SMAD5: variants seen among roughly 807,000 people sequenced by gnomAD.
The protein encoded by SMAD5 is SMAD family member 5.
A neutral mutation model predicts 43.1 loss-of-function variants in SMAD5; 9 were observed. The ratio of observed to expected loss-of-function variants is 0.21; its 90% CI spans 0.13 to 0.36. The LOEUF (loss-of-function observed/expected upper bound fraction) is 0.36, where lower values mean the gene tolerates loss of function less well. Among genes scored for constraint, SMAD5 ranks in the 10% least tolerant of loss-of-function variants. The pLI, the probability that SMAD5 is intolerant of heterozygous loss-of-function variation, is 1.00. For missense variants in SMAD5, 348 were observed against 574.0 expected (o/e 0.61, Z 4.02); for synonymous variants, 190 against 192.4 (o/e 0.99, Z 0.10).
At chr5:136,149,678 A>C (rs1753385010) in intron 2 of SMAD5, among the ~76,000 whole-genome samples, 1 of 151,624 alleles carries the variant, frequency 6.6e-6, no homozygotes, top group African/African-American at 2.4e-5. Context: ...TTTATGATGA[A>C]TTTTTCTCCT....
chr5:136,137,682 C>G (rs1273704615), intron 1 of SMAD5, among the ~76,000 whole-genome samples: 2 of 152,150 alleles, frequency 1.3e-5, no homozygotes, highest in Admixed American at 6.5e-5. Flanking sequence ...TATTTAAAAG[C>G]CAGTCTTCTT....
intron 2 of SMAD5, among the ~76,000 whole-genome samples, chr5:136,148,117 C>G (rs1753324619): frequency 6.6e-6 from 1 of 151,730 alleles, no homozygotes; most frequent in Middle Eastern, 3.2e-3. Flanking sequence ...CTTATAGTAA[C>G]TGTAAACATG....
intron 4 of SMAD5, 33 bp from the exon 5 acceptor site, chr5:136,163,239 G>T (rs751524351): frequency 6.4e-6 from 10 of 1,566,224 alleles, no homozygotes; most frequent in Non-Finnish European, 8.6e-6. Context: ...TGAGCAGAAT[G>T]AAGATTTTAA....
chr5:136,134,495 C>T (rs1752807352), intron 1 of SMAD5: 1 of 152,212 alleles, frequency 6.6e-6, no homozygotes, highest in African/African-American at 2.4e-5. Context: ...TACCTACATT[C>T]AGTGTGACAG....
chr5:136,160,989 G>A lies in SMAD5; in HGVS notation c.537G>A (p.Gln179=), dbSNP rs775672628. 2 of 1,613,858 alleles carry A rather than the reference G, an allele frequency of 1.2e-6. No individual in the cohort carries two copies. Among genetic ancestry groups the A allele is most frequent in the Middle Eastern group, 1.6e-4 (1 of 6,062 alleles). Residue 179 remains glutamine, a synonymous_variant, in exon 4 of 8, where the codon CAG becomes CAA. Transcript: ENST00000545279. ...QNATFPDSFH[Q]PNNTPFPLSP... ...CCACGTTTCCAGATTCTTTCCACCA[G>A]CCCAACAACACTCCTTTTCCCTTAT...
rs1270148077 is a variant in SMAD5, at chr5:136,163,368, T to C, written c.752T>C (p.Ile251Thr). 6 of 1,610,514 alleles carry C rather than the reference T, an allele frequency of 3.7e-6. No individual in the cohort carries two copies. The highest frequency in any genetic ancestry group is 5.1e-6 in the Non-Finnish European group (6 of 1,177,632). The change falls in exon 5 of 8, where the codon ATT becomes ACT. Residue 251 changes from isoleucine (I) to threonine (T), a missense_variant. Around this residue, in one of 5 missense-constraint regions of SMAD5, gnomAD observed 185 missense variants for 207.0 expected, o/e 0.89. Coordinates refer to ENST00000545279, the MANE Select transcript of SMAD5 (RefSeq NM_005903.7). ...MDTSNNMIPQIMPSISSRDVQ... is the reference protein window; with the variant it reads ...MDTSNNMIPQTMPSISSRDVQ... ...ACAAGCAATAATATGATTCCTCAGA[T>C]TATGCCCAGTATATCCAGCAGGGGT... is the stretch of plus-strand genomic sequence containing the variant.
chr5:136,150,438 A>G (rs1312677128), intron 2 of SMAD5, among the ~76,000 whole-genome samples: 2 of 151,998 alleles, frequency 1.3e-5, no homozygotes, highest in East Asian at 3.9e-4. Flanking sequence ...GGTATGGCAC[A>G]TGCAATGGTC....
chr5:136,137,258 G>A lies in SMAD5; in HGVS notation c.-245+4296G>A, dbSNP rs371510167. Among the ~76,000 whole-genome samples, 106 of 124,498 alleles carry A rather than the reference G, an allele frequency of 8.5e-4. No homozygotes were observed. In the East Asian group the frequency reaches 0.023, roughly 26 times the overall value. The allele number at this position is 124,498 out of a possible 152,430, so 81.7% of individuals were successfully genotyped here. Reference sequence around the variant, plus strand: ...CATTTTGTAACTAGGTTTTGCTCTTGAATTTTTTGGGACCCCCCCCCGCAT... The same window carrying A: ...CATTTTGTAACTAGGTTTTGCTCTTAAATTTTTTGGGACCCCCCCCCGCAT... On this transcript the variant is annotated intron_variant, in intron 1 of 7. Coordinates refer to ENST00000545279, the MANE Select transcript of SMAD5 (RefSeq NM_005903.7).
intron 7 of SMAD5, among the ~76,000 whole-genome samples, chr5:136,176,665 T>A (rs1754432881): frequency 6.6e-6 from 1 of 152,112 alleles, no homozygotes; most frequent in South Asian, 2.1e-4. Flanking sequence ...TATTGTACTA[T>A]TTTTAGAATG....
chr5:136,145,664 TACA>T (rs1429631512), intron 1 of SMAD5, among the ~76,000 whole-genome samples: 1 of 152,006 alleles, frequency 6.6e-6, no homozygotes, highest in East Asian at 1.9e-4. Flanking sequence ...TCATGATTAT[TACA>T]ACAATAATAA....
intron 1 of SMAD5, among the ~76,000 whole-genome samples, chr5:136,139,667 C>T (rs1753006443): frequency 6.6e-6 from 1 of 152,138 alleles, no homozygotes; most frequent in African/African-American, 2.4e-5. Flanking sequence ...TCCACCCCTC[C>T]TCCTGCTTAT....
At chr5:136,161,779 C>A (rs1468770302) in intron 4 of SMAD5, among the ~76,000 whole-genome samples, 1 of 152,126 alleles carries the variant, frequency 6.6e-6, no homozygotes, top group African/African-American at 2.4e-5. Context: ...TGTTGTCAGG[C>A]AGAGTCATAT....
rs1233537053 is a variant in SMAD5 at position 136,177,811 on chromosome 5, A to G, written c.*331A>G. The G allele has an allele frequency of 2.9e-5, 6 of 208,668 alleles. No individual in the cohort carries two copies. Among genetic ancestry groups the G allele is most frequent in the East Asian group, 1.3e-4 (1 of 7,646 alleles). The allele number at this position is 208,668 out of a possible 1,614,324, so 12.9% of individuals were successfully genotyped here. ...AATTTATTTGAAAATGCATCACATG[A>G]TGAAAAATTATAGTAGCTTATAAGA... On this transcript the variant is annotated 3_prime_UTR_variant, in exon 8 of 8. Coordinates refer to ENST00000545279, the MANE Select transcript of SMAD5 (RefSeq NM_005903.7).
chr5:136,141,881 T>C (rs1459688758), intron 1 of SMAD5, among the ~76,000 whole-genome samples: 2 of 152,208 alleles, frequency 1.3e-5, no homozygotes, highest in Non-Finnish European at 2.9e-5. Context: ...GAATGACTCA[T>C]GATAATGTAA....
rs779518699 is a variant in SMAD5 at position 136,181,313 on chromosome 5, A to G, written c.*3833A>G. ...ACATTTTAACTTTAAAGAATGTCAGATCCCTTCTTTGTCTTACTAGTTAAA... is the reference window on the plus strand; with the variant it reads ...ACATTTTAACTTTAAAGAATGTCAGGTCCCTTCTTTGTCTTACTAGTTAAA... On this transcript the variant is annotated 3_prime_UTR_variant, in exon 8 of 8. Transcript: ENST00000545279. The G allele has an allele frequency of 6.6e-6, 1 of 152,176 alleles. No homozygotes were observed. Among genetic ancestry groups the G allele is most frequent in the Non-Finnish European group, 1.5e-5 (1 of 67,984 alleles). The allele number at this position is 152,176 out of a possible 1,614,324, so 9.4% of individuals were successfully genotyped here.
At chr5:136,168,506 C>T (rs1248928935) in intron 5 of SMAD5, among the ~76,000 whole-genome samples, 1 of 152,102 alleles carries the variant, frequency 6.6e-6, no homozygotes, top group Non-Finnish European at 1.5e-5. Flanking sequence ...CTCTCTTCTC[C>T]CACACAGGCA....
At position 136,155,207 on chromosome 5, in the gene SMAD5, T is replaced by C. The variant is rs6875444; in HGVS notation, c.403+1044T>C. 1.9e-3 allele frequency among the ~76,000 whole-genome samples: 295 copies of C among 152,320 alleles called. 3 individuals carry two copies. The highest frequency in any genetic ancestry group is 6.6e-3 in the African/African-American group (274 of 41,556). The stretch of plus-strand genomic sequence containing the variant: ...TAATATGTCTAAGCGCAGTTTTTTT[T>C]CTCTGGTTTCCCCTATTGAAGTGAA... On this transcript the variant is annotated intron_variant, in intron 3 of 7. Coordinates refer to ENST00000545279, the MANE Select transcript of SMAD5 (RefSeq NM_005903.7).
intron 6 of SMAD5, 187 bp downstream of exon 6, chr5:136,172,842 G>T (rs187183981): frequency 2.1e-5 from 12 of 576,864 alleles, no homozygotes; most frequent in Admixed American, 1.2e-4. Context: ...TTTTTGTCCT[G>T]CTTAGTGTTT....
intron 5 of SMAD5, among the ~76,000 whole-genome samples, chr5:136,166,798 A>G (rs1279268472): frequency 1.3e-5 from 2 of 152,130 alleles, no homozygotes; most frequent in African/African-American, 4.8e-5. Flanking sequence ...TATTTACTCC[A>G]CTTAACCTCC....
Sources: allele counts gnomAD v4.1 joint callset (sites outside exome capture counted in the v4.1 genomes callset), GRCh38; gene constraint gnomAD v4.1.1; regional missense constraint gnomAD v4.1.1; transcripts MANE v1.5; gene names NCBI Gene and HGNC (gene_info 2026-07-23, HGNC 2026-07-21).